PRKG1: variants seen among roughly 807,000 people sequenced by gnomAD.
PRKG1 encodes cGMP-dependent protein kinase 1.
Under a neutral mutation model 88.1 loss-of-function variants are expected in PRKG1, and 35 were observed. That is an observed-to-expected ratio of 0.40 (90% CI 0.30 to 0.53). The LOEUF (loss-of-function observed/expected upper bound fraction) is 0.53, where lower values mean the gene tolerates loss of function less well. PRKG1 is among the 20% of genes least tolerant of loss of function. PRKG1 has a pLI of 0.59. For synonymous variants in PRKG1, 303 were observed against 292.5 expected, an observed-to-expected ratio of 1.04 and a Z score of -0.37; for missense variants, 540 against 839.8, an observed-to-expected ratio of 0.64 and a Z score of 4.41.
intron 6 of PRKG1, among the ~76,000 whole-genome samples, chr10:52,057,846 T>C (rs983850729): frequency 2.0e-5 from 3 of 152,110 alleles, no homozygotes; most frequent in Admixed American, 1.3e-4. Flanking sequence ...TGTATACATA[T>C]GTTTATGTAT....
Position 51,925,126 on chromosome 10 carries a change from C to T in PRKG1, c.762+17556C>T, listed in dbSNP as rs543851599. ...TTATGTTTTGCCTTTTACTATGCCT[C>T]GTAATTTTTTTGAAATTTGGGTATG... On this transcript the variant is annotated intron_variant, in intron 5 of 17. Coordinates refer to ENST00000373980, the MANE Select transcript of PRKG1 (RefSeq NM_006258.4). Among the ~76,000 whole-genome samples the T allele has an allele frequency of 1.5e-4, 23 of 150,752 alleles. No individual in the cohort carries two copies. In the South Asian group the frequency reaches 4.8e-3, roughly 32 times the overall value.
At chr10:51,990,950 T>C (rs1844290078) in intron 5 of PRKG1, among the ~76,000 whole-genome samples, 1 of 152,186 alleles carries the variant, frequency 6.6e-6, no homozygotes, top group African/African-American at 2.4e-5. Context: ...ACGTTTTCTT[T>C]ATCCAGTCTA....
At chr10:51,880,774 G>A (rs1841416834) in intron 4 of PRKG1, among the ~76,000 whole-genome samples, 1 of 152,126 alleles carries the variant, frequency 6.6e-6, no homozygotes, top group Non-Finnish European at 1.5e-5. Context: ...ACTAATGTAT[G>A]AGGCAAGAGA....
chr10:51,198,979 TA>T (rs1291370011), intron 2 of PRKG1, among the ~76,000 whole-genome samples: 1 of 152,130 alleles, frequency 6.6e-6, no homozygotes, highest in Non-Finnish European at 1.5e-5. Flanking sequence ...GAGAAGGAGG[TA>T]AGGTATAGCT....
intron 8 of PRKG1, among the ~76,000 whole-genome samples, chr10:52,152,584 C>T (rs994790800): frequency 6.6e-6 from 1 of 151,908 alleles, no homozygotes; most frequent in Non-Finnish European, 1.5e-5. Context: ...AGACAAAGGC[C>T]CTGAGGCAGA....
intron 2 of PRKG1, among the ~76,000 whole-genome samples, chr10:51,399,384 G>T (rs1339039048): frequency 3.9e-5 from 6 of 152,040 alleles, no homozygotes; most frequent in Non-Finnish European, 8.8e-5. Context: ...GAAATTCACT[G>T]CAGTCTAAGA....
At chr10:51,335,170 G>A (rs547078163) in intron 2 of PRKG1, among the ~76,000 whole-genome samples, 4 of 151,466 alleles carry the variant, frequency 2.6e-5, no homozygotes, top group South Asian at 2.1e-4. Flanking sequence ...CCACCACCAC[G>A]CCTGGCTAAT....
chr10:51,553,732 CGTGT>C (rs1564547001), intron 3 of PRKG1, among the ~76,000 whole-genome samples: 2 of 137,078 alleles, frequency 1.5e-5, no homozygotes, highest in Admixed American at 7.3e-5. Context: ...ATATTAGATA[CGTGT>C]ATATAATATA....
intron 2 of PRKG1, among the ~76,000 whole-genome samples, chr10:51,400,546 G>GA (rs1363374587): frequency 6.6e-6 from 1 of 152,136 alleles, no homozygotes; most frequent in African/African-American, 2.4e-5. Flanking sequence ...TCCAGACGTA[G>GA]AAAGAAACTG....
At chr10:51,837,509 A>T (rs750997377) in intron 4 of PRKG1, among the ~76,000 whole-genome samples, 1 of 151,976 alleles carries the variant, frequency 6.6e-6, no homozygotes, top group East Asian at 1.9e-4. Flanking sequence ...ATGCATACAG[A>T]TTTTTCCTCT....
chr10:52,193,896 G>A (rs987719955), intron 9 of PRKG1, among the ~76,000 whole-genome samples: 3 of 152,186 alleles, frequency 2.0e-5, no homozygotes, highest in African/African-American at 2.4e-5. Flanking sequence ...TAATTTGGAC[G>A]AAACTCCAAG....
At chr10:51,862,187 C>A (rs901454615) in intron 4 of PRKG1, among the ~76,000 whole-genome samples, 19 of 152,192 alleles carry the variant, frequency 1.2e-4, no homozygotes, top group Non-Finnish European at 2.9e-5. Flanking sequence ...TGTTATAGCT[C>A]ATTCATGTTA....
At chr10:52,064,757 G>GCTCCCA (rs1216515955) in intron 7 of PRKG1, among the ~76,000 whole-genome samples, 1 of 152,138 alleles carries the variant, frequency 6.6e-6, no homozygotes, top group Non-Finnish European at 1.5e-5. Flanking sequence ...AGGGGTGGGG[G>GCTCCCA]TCCCTCCTGT....
chr10:52,157,068 T>C (rs1301696385), intron 8 of PRKG1, among the ~76,000 whole-genome samples: 1 of 151,384 alleles, frequency 6.6e-6, no homozygotes, highest in Non-Finnish European at 1.5e-5. Flanking sequence ...AAAAATCTGT[T>C]TTGAATGTTA....
intron 9 of PRKG1, among the ~76,000 whole-genome samples, chr10:52,174,419 T>C (rs1447460742): frequency 6.6e-6 from 1 of 152,010 alleles, no homozygotes; most frequent in Non-Finnish European, 1.5e-5. Context: ...AATATTAATA[T>C]TCTCTTCTGC....
rs1045551628 is a variant in PRKG1 at position 52,297,458 on chromosome 10, G to A, written c.*3558G>A. ...ATGTTGTCCTTTCTTAGCTTGCTGC[G>A]TTTTACAGTTCTTTCTGCTAACAAT... On this transcript the variant is annotated 3_prime_UTR_variant, in exon 18 of 18. Coordinates refer to ENST00000373980, the MANE Select transcript of PRKG1 (RefSeq NM_006258.4). 3 of 152,018 alleles carry A rather than the reference G, an allele frequency of 2.0e-5. No homozygotes were observed. The highest frequency in any genetic ancestry group is 2.4e-5 in the African/African-American group (1 of 41,412). 9.4% of individuals were successfully genotyped at this position (152,018 alleles called of 1,614,324 possible). A position where few individuals can be genotyped will look rare whatever the true frequency, so the allele number is the denominator to read the frequency against.
chr10:51,958,289 A>C (rs1843360752), intron 5 of PRKG1, among the ~76,000 whole-genome samples: 1 of 152,112 alleles, frequency 6.6e-6, no homozygotes, highest in South Asian at 2.1e-4. Flanking sequence ...ACAAGTCAAG[A>C]AAAAAGACCT....
intron 4 of PRKG1, among the ~76,000 whole-genome samples, chr10:51,821,806 A>G (rs1484646240): frequency 6.6e-6 from 1 of 152,150 alleles, no homozygotes; most frequent in East Asian, 1.9e-4. Flanking sequence ...AAATAAACTC[A>G]TGCATATGGT....
At chr10:51,923,288 A>G (rs1003419398) in intron 5 of PRKG1, among the ~76,000 whole-genome samples, 3 of 151,930 alleles carry the variant, frequency 2.0e-5, no homozygotes, top group South Asian at 2.1e-4. Context: ...CTCTGTCTTT[A>G]TATTTAAAGT....
Sources: allele counts gnomAD v4.1 joint callset (sites outside exome capture counted in the v4.1 genomes callset), GRCh38; gene constraint gnomAD v4.1.1; transcripts MANE v1.5; gene names NCBI Gene and HGNC (gene_info 2026-07-23, HGNC 2026-07-21).